The following CSTPP1 variants were observed in gnomAD, a reference collection of about 807,000 sequenced individuals.
CSTPP1 encodes the protein centriolar satellite-associated tubulin polyglutamylase complex regulator 1, also known as UPF0705 protein C11orf49.
At chr11:47,114,279 C>T in the CSTPP1 span, among the ~76,000 whole-genome samples, 1 of 152,166 alleles carries the variant, frequency 6.6e-6, no homozygotes, top group Non-Finnish European at 1.5e-5. Flanking sequence ...AGTCAGGTAG[C>T]ATGAAGCCTC....
chr11:47,093,903 A>T, the CSTPP1 span, among the ~76,000 whole-genome samples: 1 of 152,196 alleles, frequency 6.6e-6, no homozygotes, highest in East Asian at 1.9e-4. Flanking sequence ...AGGGATTTGA[A>T]ACCAAATGAT....
At chr11:47,155,291 G>A in the CSTPP1 span, 39 of 1,572,458 alleles carry the variant, frequency 2.5e-5, no homozygotes, top group South Asian at 1.1e-4. Flanking sequence ...ATCTGGCTCC[G>A]CACAGGACCC....
the CSTPP1 span, among the ~76,000 whole-genome samples, chr11:47,148,224 T>TTCA: frequency 6.6e-6 from 1 of 152,106 alleles, no homozygotes; most frequent in South Asian, 2.1e-4. Context: ...GGCCCTGACA[T>TTCA]TCAAACAAAA....
At chr11:46,955,718 G>A in the CSTPP1 span, among the ~76,000 whole-genome samples, 20 of 152,106 alleles carry the variant, frequency 1.3e-4, no homozygotes, top group African/African-American at 3.9e-4. Flanking sequence ...TCGGCCTAGC[G>A]TGGTGGCTCA....
At chr11:47,162,986 C>G in the CSTPP1 span, among the ~76,000 whole-genome samples, 1 of 151,942 alleles carries the variant, frequency 6.6e-6, no homozygotes, top group Admixed American at 6.6e-5. Context: ...TCAGGACCAC[C>G]CTGGGAAACA....
At chr11:47,032,633 G>C in the CSTPP1 span, among the ~76,000 whole-genome samples, 20 of 151,912 alleles carry the variant, frequency 1.3e-4, no homozygotes, top group African/African-American at 4.8e-4. Flanking sequence ...TGATGTTTCT[G>C]GTTCTCTTGT....
At chr11:47,032,685 G>A in the CSTPP1 span, among the ~76,000 whole-genome samples, 1 of 151,992 alleles carries the variant, frequency 6.6e-6, no homozygotes, top group South Asian at 2.1e-4. Context: ...TCTTATTCAT[G>A]ATAGCTTAAA....
the CSTPP1 span, chr11:46,987,745 TG>T: frequency 1.3e-5 from 2 of 159,364 alleles, no homozygotes; most frequent in East Asian, 3.5e-4. Flanking sequence ...ATGATTTAAG[TG>T]TATTTCTAAT....
chr11:47,026,597 G>T, the CSTPP1 span, among the ~76,000 whole-genome samples: 15 of 152,042 alleles, frequency 9.9e-5, no homozygotes, highest in Non-Finnish European at 5.9e-5. Flanking sequence ...GCTAAAATTG[G>T]CTGGGCACGG....
the CSTPP1 span, among the ~76,000 whole-genome samples, chr11:47,098,717 G>C: frequency 6.6e-6 from 1 of 152,018 alleles, no homozygotes; most frequent in Non-Finnish European, 1.5e-5. Context: ...GGCCAGGCTG[G>C]TCTCTAACTC....
At chr11:47,045,085 T>C in the CSTPP1 span, among the ~76,000 whole-genome samples, 1 of 152,224 alleles carries the variant, frequency 6.6e-6, no homozygotes, top group Non-Finnish European at 1.5e-5. Context: ...TCCAAAGGAA[T>C]GGCAGGAGTT....
At chr11:47,099,684 G>T in the CSTPP1 span, among the ~76,000 whole-genome samples, 1 of 152,220 alleles carries the variant, frequency 6.6e-6, no homozygotes, top group Non-Finnish European at 1.5e-5. Context: ...TGTTTGATAA[G>T]TGCAGTCCTG....
the CSTPP1 span, among the ~76,000 whole-genome samples, chr11:47,097,089 G>T: frequency 1.2e-4 from 17 of 144,812 alleles, no homozygotes; most frequent in African/African-American, 4.2e-4. Context: ...CGCCCCGTCC[G>T]GGAGGGAGGT....
At chr11:47,012,487 G>A in the CSTPP1 span, among the ~76,000 whole-genome samples, 1 of 151,988 alleles carries the variant, frequency 6.6e-6, no homozygotes, top group African/African-American at 2.4e-5. Context: ...GCTGTATAGG[G>A]GAAAGGAAGA....
the CSTPP1 span, among the ~76,000 whole-genome samples, chr11:47,157,497 T>C: frequency 6.6e-6 from 1 of 151,950 alleles, no homozygotes; most frequent in African/African-American, 2.4e-5. Flanking sequence ...AAGGAAAGAG[T>C]ACTCCTTGTA....
At chr11:47,016,412 A>AC in the CSTPP1 span, among the ~76,000 whole-genome samples, 16 of 141,676 alleles carry the variant, frequency 1.1e-4, no homozygotes, top group Middle Eastern at 3.5e-3. Context: ...AACAAAAAAC[A>AC]AAAAAAAAAC....
the CSTPP1 span, among the ~76,000 whole-genome samples, chr11:47,044,127 C>T: frequency 6.6e-6 from 1 of 152,022 alleles, no homozygotes; most frequent in Non-Finnish European, 1.5e-5. Flanking sequence ...GCTGGGATTA[C>T]AGGCATGCAC....
the CSTPP1 span, among the ~76,000 whole-genome samples, chr11:47,108,225 T>C: frequency 2.6e-5 from 4 of 152,198 alleles, no homozygotes; most frequent in Non-Finnish European, 5.9e-5. Context: ...AGGTTAGAAC[T>C]CTAGAATCTG....
the CSTPP1 span, among the ~76,000 whole-genome samples, chr11:47,134,465 C>T: frequency 6.6e-6 from 1 of 152,196 alleles, no homozygotes; most frequent in Non-Finnish European, 1.5e-5. Context: ...GCTGGGATTA[C>T]AGGCGTGAGC....
Sources: allele counts gnomAD v4.1 joint callset (sites outside exome capture counted in the v4.1 genomes callset), GRCh38; gene constraint gnomAD v4.1.1; transcripts MANE v1.5; gene names NCBI Gene and HGNC (gene_info 2026-07-23, HGNC 2026-07-21).